Variants in LRRC69 observed in about 807,000 individuals in gnomAD.
LRRC69 encodes the protein leucine-rich repeat-containing protein 69.
Under a neutral mutation model 37.8 loss-of-function variants are expected in LRRC69, and 42 were observed. That is an observed-to-expected ratio of 1.11 (90% CI 0.87 to 1.44). The LOEUF (loss-of-function observed/expected upper bound fraction) is 1.44. Ranked by LOEUF, LRRC69 falls within the 40% of genes most tolerant of loss-of-function variation. The probability of loss-of-function intolerance (pLI) is 0.00; values close to 1 mark genes in which losing one functional copy is unlikely to be tolerated. For synonymous variants in LRRC69, 141 were observed against 143.1 expected (o/e 0.99, Z 0.11); for missense variants, 357 against 401.9 (o/e 0.89, Z 0.96).
Position 91,155,984 on chromosome 8 carries a change from T to A in LRRC69, c.651+20245T>A, listed in dbSNP as rs1003849023. ...CCTTATTCCTTAATCTTTTGCTGGA[T>A]ACTTAGGTTGACTACATATTGTACT... is the stretch of plus-strand genomic sequence containing the variant. On this transcript the variant is annotated intron_variant, in intron 5 of 7. Transcript: ENST00000448384. Among the ~76,000 whole-genome samples, 13 of 150,206 alleles carry A rather than the reference T, an allele frequency of 8.7e-5. 1 individual carries two copies. Among genetic ancestry groups the A allele is most frequent in the Non-Finnish European group, 4.5e-5 (3 of 67,204 alleles).
intron 1 of LRRC69, among the ~76,000 whole-genome samples, chr8:91,120,338 T>G (rs1813596901): frequency 6.6e-6 from 1 of 152,146 alleles, no homozygotes; most frequent in Non-Finnish European, 1.5e-5. Flanking sequence ...TCTGTTACAC[T>G]ATATATCTGG....
intron 5 of LRRC69, among the ~76,000 whole-genome samples, chr8:91,177,023 G>A (rs1365455287): frequency 1.3e-5 from 2 of 152,066 alleles, no homozygotes; most frequent in African/African-American, 4.8e-5. Flanking sequence ...TAACTGTGTG[G>A]TCATTTTATT....
chr8:91,108,297 A>T (rs1402944008), intron 1 of LRRC69, among the ~76,000 whole-genome samples: 1 of 152,036 alleles, frequency 6.6e-6, no homozygotes, highest in Non-Finnish European at 1.5e-5. Context: ...AACTTCATTC[A>T]TTCATACATT....
chr8:91,202,321 A>C (rs2130631192), intron 7 of LRRC69, among the ~76,000 whole-genome samples: 1 of 152,366 alleles, frequency 6.6e-6, no homozygotes, highest in East Asian at 1.9e-4. Flanking sequence ...GTGTCATTTA[A>C]TTTGATCATC....
chr8:91,113,584 T>C (rs547361395), intron 1 of LRRC69, among the ~76,000 whole-genome samples: 3 of 152,120 alleles, frequency 2.0e-5, no homozygotes, highest in East Asian at 3.9e-4. Flanking sequence ...AAGACTTTAA[T>C]GTAACACTTG....
intron 5 of LRRC69, among the ~76,000 whole-genome samples, chr8:91,188,123 G>A (rs982351329): frequency 7.2e-5 from 11 of 152,254 alleles, no homozygotes; most frequent in Non-Finnish European, 1.0e-4. Context: ...GTTAACATAG[G>A]AACTGAATTA....
chr8:91,140,386 A>G (rs1228335744), intron 5 of LRRC69, among the ~76,000 whole-genome samples: 2 of 151,978 alleles, frequency 1.3e-5, no homozygotes, highest in African/African-American at 4.8e-5. Flanking sequence ...ATCCTTTTGT[A>G]AGTAGCATTT....
intron 5 of LRRC69, among the ~76,000 whole-genome samples, chr8:91,181,789 G>T (rs1278937212): frequency 6.6e-6 from 1 of 152,100 alleles, no homozygotes; most frequent in Non-Finnish European, 1.5e-5. Context: ...ATTTAACTTG[G>T]CAGCAATGGT....
intron 5 of LRRC69, among the ~76,000 whole-genome samples, chr8:91,180,452 CT>C (rs1809305504): frequency 1.5e-5 from 2 of 130,358 alleles, no homozygotes; most frequent in Non-Finnish European, 3.3e-5. Flanking sequence ...ATTGCAATAC[CT>C]TTTATGGTCT....
intron 5 of LRRC69, among the ~76,000 whole-genome samples, chr8:91,147,251 A>T (rs1400494120): frequency 6.0e-5 from 6 of 99,782 alleles, no homozygotes; most frequent in African/African-American, 8.5e-5. Context: ...TAAACATATA[A>T]TATATATTAT....
chr8:91,205,534 G>T (rs12335005), intron 7 of LRRC69: 4,962 of 151,858 alleles, frequency 0.033, 254 homozygotes, highest in African/African-American at 0.11. Context: ...TGATAGACAG[G>T]ATCCACAGAG....
intron 6 of LRRC69, among the ~76,000 whole-genome samples, chr8:91,195,434 G>A (rs1476316235): frequency 6.6e-6 from 1 of 151,840 alleles, no homozygotes; most frequent in Non-Finnish European, 1.5e-5. Flanking sequence ...GTCTAATGTT[G>A]ACAGTGGGGT....
chr8:91,200,009 T>C (rs980199772), intron 6 of LRRC69, among the ~76,000 whole-genome samples: 1 of 152,152 alleles, frequency 6.6e-6, no homozygotes, highest in Non-Finnish European at 1.5e-5. Context: ...CTAGAAATCA[T>C]TGCTTTTTTG....
At chr8:91,201,513 G>T (rs912698736) in intron 7 of LRRC69, among the ~76,000 whole-genome samples, 8 of 83,224 alleles carry the variant, frequency 9.6e-5, no homozygotes, top group East Asian at 9.0e-4. Flanking sequence ...ATTTTATTTT[G>T]ATTTTTTTTT....
intron 1 of LRRC69, among the ~76,000 whole-genome samples, chr8:91,122,036 T>C (rs73697109): frequency 0.021 from 3,250 of 152,180 alleles, 124 homozygotes; most frequent in African/African-American, 0.073. Context: ...CAGACCCTTA[T>C]ATTCTGTAAA....
At chr8:91,131,436 T>C (rs999328346) in intron 3 of LRRC69, among the ~76,000 whole-genome samples, 4 of 151,912 alleles carry the variant, frequency 2.6e-5, no homozygotes, top group Non-Finnish European at 4.4e-5. Flanking sequence ...ATTGAATCTA[T>C]AGATCAATAT....
At chr8:91,105,129 T>C (rs1417311957) in intron 1 of LRRC69, among the ~76,000 whole-genome samples, 2 of 152,032 alleles carry the variant, frequency 1.3e-5, no homozygotes, top group Non-Finnish European at 2.9e-5. Flanking sequence ...ACTAGGCTGC[T>C]TATAGTCTAT....
intron 7 of LRRC69, chr8:91,206,919 C>T: frequency 9.2e-7 from 1 of 1,086,790 alleles, no homozygotes; most frequent in South Asian, 1.6e-5. Context: ...TATTCCTGAT[C>T]CTTAACCAGA....
At chr8:91,191,053 C>CA (rs1809487806) in intron 6 of LRRC69, among the ~76,000 whole-genome samples, 1 of 143,384 alleles carries the variant, frequency 7.0e-6, no homozygotes, top group Non-Finnish European at 1.5e-5. Flanking sequence ...CCCCCCCCCC[C>CA]CAAGTCAAAA....
Sources: gnomAD v4.1 joint callset for allele counts (sites outside exome capture counted in the v4.1 genomes callset) on GRCh38, gnomAD v4.1.1 for gene constraint, MANE v1.5 for transcripts, NCBI Gene and HGNC (gene_info 2026-07-23, HGNC 2026-07-21) for gene names.